Variants in TANC1 observed in about 807,000 individuals in gnomAD.
TANC1 encodes the protein protein TANC1.
A neutral mutation model predicts 149.7 loss-of-function variants in TANC1; 77 were observed. The observed-to-expected ratio is 0.51, with a 90% CI of 0.43 to 0.62. The LOEUF (loss-of-function observed/expected upper bound fraction) is 0.62, where lower values mean the gene tolerates loss of function less well. Ranked by LOEUF, TANC1 falls within the 20% of genes least tolerant of loss-of-function variation. The pLI, the probability that TANC1 is intolerant of heterozygous loss-of-function variation, is 0.00. For missense variants in TANC1, 1,985 were observed against 2,321.8 expected (o/e 0.85, Z 2.98); for synonymous variants, 854 against 925.0 (o/e 0.92, Z 1.39).
intron 19 of TANC1, among the ~76,000 whole-genome samples, chr2:159,205,591 T>C (rs2058546045): frequency 6.6e-6 from 1 of 152,274 alleles, no homozygotes; most frequent in Non-Finnish European, 1.5e-5. Flanking sequence ...TAACAGGCTG[T>C]ACAGCTTAGC....
rs1211210679 is a variant in TANC1 at position 159,102,859 on chromosome 2, C to T, written c.259+5025C>T. On this transcript the variant is annotated intron_variant, in intron 4 of 26. Transcript: ENST00000263635. Reference sequence around the variant, plus strand: ...TCAGCCTTCCGAGTAGCTGGGACTACAGGCACCCACCACCACGCCTGGCTA... The same window carrying T: ...TCAGCCTTCCGAGTAGCTGGGACTATAGGCACCCACCACCACGCCTGGCTA... Among the ~76,000 whole-genome samples, 2 of 95,180 alleles carry T rather than the reference C, an allele frequency of 2.1e-5. 1 individual carries two copies. Among genetic ancestry groups the T allele is most frequent in the Non-Finnish European group, 5.3e-5 (2 of 37,430 alleles). 62.4% of individuals were successfully genotyped at this position (95,180 alleles called of 152,430 possible).
At chr2:159,073,417 C>T (rs893100520) in intron 3 of TANC1, among the ~76,000 whole-genome samples, 1 of 152,146 alleles carries the variant, frequency 6.6e-6, no homozygotes. Flanking sequence ...GTCAGTCACC[C>T]TGGACTAATA....
chr2:159,026,571 T>C lies in TANC1; in HGVS notation c.-16+25382T>C, dbSNP rs190013485. Among the ~76,000 whole-genome samples, 13 of 152,344 alleles carry C rather than the reference T, an allele frequency of 8.5e-5. No homozygotes were observed. The East Asian group carries it at 2.5e-3, about 29-fold the overall frequency. On this transcript the variant is annotated intron_variant, in intron 2 of 26. Transcript: ENST00000263635. Reference sequence around the variant, plus strand: ...ATTTATTTCTTACAGTTTTGGAGACTATGAAGTCCAGTGTCTTGAGGCTGC... The same window carrying C: ...ATTTATTTCTTACAGTTTTGGAGACCATGAAGTCCAGTGTCTTGAGGCTGC...
chr2:158,981,253 G>A (rs759515655), intron 1 of TANC1, among the ~76,000 whole-genome samples: 26 of 151,146 alleles, frequency 1.7e-4, no homozygotes, highest in African/African-American at 2.7e-4. Flanking sequence ...TCAGGAGTTC[G>A]GGACCCTGGG....
At position 159,219,746 on chromosome 2, in the gene TANC1, G is replaced by T; in HGVS notation, c.3557G>T (p.Cys1186Phe). 1 of 1,614,250 alleles carries T rather than the reference G, an allele frequency of 6.2e-7. No homozygotes were observed. Among genetic ancestry groups the T allele is most frequent in the East Asian group, 2.2e-5 (1 of 44,890 alleles). Reference protein sequence around the residue: ...KEGLSALSWACLKGHRAVVQY... With the variant: ...KEGLSALSWAFLKGHRAVVQY... ...GGTCTGTCAGCATTAAGCTGGGCTTGTCTGAAAGGTCACAGGGCAGTGGTC... is the reference window on the plus strand; with the variant it reads ...GGTCTGTCAGCATTAAGCTGGGCTTTTCTGAAAGGTCACAGGGCAGTGGTC... The change falls in exon 22 of 27, where the codon TGT becomes TTT. Residue 1186 changes from cysteine to phenylalanine, a missense_variant. Cys to Phe is a radical substitution (Grantham distance 205). Transcript: ENST00000263635.
chr2:159,060,035 C>A, intron 2 of TANC1: 9 of 609,802 alleles, frequency 1.5e-5, no homozygotes, highest in African/African-American at 2.0e-5. Context: ...AGACTCCCTG[C>A]TACCACCACC....
chr2:159,122,522 C>T (rs895930847), intron 4 of TANC1, among the ~76,000 whole-genome samples: 1 of 152,132 alleles, frequency 6.6e-6, no homozygotes, highest in South Asian at 2.1e-4. Context: ...GTCAAATGCA[C>T]AGTTGTGTAA....
At chr2:159,076,160 G>C (rs1229593244) in intron 3 of TANC1, among the ~76,000 whole-genome samples, 1 of 151,964 alleles carries the variant, frequency 6.6e-6, no homozygotes, top group African/African-American at 2.4e-5. Flanking sequence ...ATTGTGAGGG[G>C]CTTGTTAGTC....
chr2:159,159,806 G>T (rs1328093931), intron 7 of TANC1, among the ~76,000 whole-genome samples: 1 of 147,754 alleles, frequency 6.8e-6, no homozygotes, highest in East Asian at 2.1e-4. Flanking sequence ...GGGGTTGATG[G>T]TTCTCAGCCT....
chr2:159,128,789 G>A (rs544520115), intron 4 of TANC1, among the ~76,000 whole-genome samples: 1 of 152,210 alleles, frequency 6.6e-6, no homozygotes, highest in South Asian at 2.1e-4. Context: ...TTTGTTGGGG[G>A]GGCAGGGGAA....
intron 5 of TANC1, among the ~76,000 whole-genome samples, chr2:159,145,956 C>T (rs1025353229): frequency 6.6e-6 from 1 of 152,108 alleles, no homozygotes; most frequent in Non-Finnish European, 1.5e-5. Context: ...TATTGATCAG[C>T]GATTTAATAT....
intron 2 of TANC1, among the ~76,000 whole-genome samples, chr2:159,044,324 G>A (rs1193817242): frequency 2.6e-5 from 4 of 152,056 alleles, no homozygotes; most frequent in African/African-American, 4.8e-5. Flanking sequence ...GTAGTCCCAA[G>A]CTACTCGGGA....
intron 3 of TANC1, among the ~76,000 whole-genome samples, chr2:159,079,679 C>T (rs1448162385): frequency 3.9e-5 from 6 of 152,018 alleles, no homozygotes; most frequent in Non-Finnish European, 7.4e-5. Context: ...AAAGGGTGGG[C>T]GGAGTTAGTG....
intron 4 of TANC1, among the ~76,000 whole-genome samples, chr2:159,109,183 A>T (rs1320158783): frequency 6.6e-6 from 1 of 152,186 alleles, no homozygotes; most frequent in Non-Finnish European, 1.5e-5. Context: ...GTCCTGACAG[A>T]TGCAGGCTGT....
chr2:159,199,672 A>G (rs574635123), intron 19 of TANC1, among the ~76,000 whole-genome samples: 27 of 152,350 alleles, frequency 1.8e-4, no homozygotes, highest in African/African-American at 4.8e-4. Flanking sequence ...ACTTGACTGG[A>G]TTAGTGTTAG....
At chr2:159,161,978 A>G (rs2054090745) in intron 7 of TANC1, among the ~76,000 whole-genome samples, 4 of 152,346 alleles carry the variant, frequency 2.6e-5, no homozygotes, top group Middle Eastern at 3.4e-3. Flanking sequence ...ACTCTAGGGA[A>G]GGCTTCAGCA....
At chr2:159,163,038 A>G (rs556768546) in intron 7 of TANC1, among the ~76,000 whole-genome samples, 1 of 152,184 alleles carries the variant, frequency 6.6e-6, no homozygotes, top group African/African-American at 2.4e-5. Flanking sequence ...AATTTTTTTC[A>G]TTATCTTCCT....
intron 8 of TANC1, among the ~76,000 whole-genome samples, chr2:159,165,553 G>A (rs1449652402): frequency 6.6e-6 from 1 of 152,206 alleles, no homozygotes; most frequent in African/African-American, 2.4e-5. Flanking sequence ...TCTCAGTTAA[G>A]AGGAAATGGC....
intron 2 of TANC1, among the ~76,000 whole-genome samples, chr2:159,023,348 T>C (rs1199655405): frequency 6.6e-6 from 1 of 151,942 alleles, no homozygotes; most frequent in Non-Finnish European, 1.5e-5. Flanking sequence ...GGCCTTTTTT[T>C]TTCTTTTTTT....
Sources: allele counts gnomAD v4.1 joint callset (sites outside exome capture counted in the v4.1 genomes callset), GRCh38; gene constraint gnomAD v4.1.1; transcripts MANE v1.5; gene names NCBI Gene and HGNC (gene_info 2026-07-23, HGNC 2026-07-21).